The following ERAP2 variants were observed in gnomAD, a reference collection of about 807,000 sequenced individuals.
ERAP2 encodes the protein endoplasmic reticulum aminopeptidase 2, also known as leukocyte-derived arginine aminopeptidase.
Under a neutral mutation model 111.1 loss-of-function variants are expected in ERAP2, and 118 were observed. That is an observed-to-expected ratio of 1.06 (90% CI 0.92 to 1.24). The LOEUF (loss-of-function observed/expected upper bound fraction) is 1.24, where lower values mean the gene tolerates loss of function less well. Among genes scored for constraint, ERAP2 ranks in the 50% most tolerant of loss-of-function variants. The pLI, the probability that ERAP2 is intolerant of heterozygous loss-of-function variation, is 0.00. For synonymous variants in ERAP2, 410 were observed against 401.2 expected, an observed-to-expected ratio of 1.02 and a Z score of -0.26; for missense variants, 1,131 against 1,125.8, an observed-to-expected ratio of 1.00 and a Z score of -0.07.
chr5:96,901,875 A>C (rs1463249483), intron 11 of ERAP2, among the ~76,000 whole-genome samples, 194 bp downstream of exon 11: 1 of 152,228 alleles, frequency 6.6e-6, no homozygotes, highest in East Asian at 1.9e-4. Flanking sequence ...CACCATTCTT[A>C]GTGATTCCAT....
chr5:96,885,819 G>C (rs1282051694), intron 3 of ERAP2, among the ~76,000 whole-genome samples: 1 of 152,190 alleles, frequency 6.6e-6, no homozygotes, highest in Non-Finnish European at 1.5e-5. Context: ...CCATCTCTGA[G>C]ACAAGCTGCC....
Position 96,913,338 on chromosome 5 carries a change from A to C in ERAP2, c.2538A>C (p.Glu846Asp). 6.2e-7 allele frequency: 1 copy of C among 1,614,092 alleles called. No homozygotes were observed. Among genetic ancestry groups the C allele is most frequent in the Non-Finnish European group, 8.5e-7 (1 of 1,179,972 alleles). The change falls in exon 17 of 19, where the codon GAA (glutamate) becomes GAC (aspartate). Residue 846 changes from glutamate (E) to aspartate (D), a missense_variant. By Grantham distance (45) the Glu-to-Asp change is conservative. Coordinates refer to ENST00000437043, the MANE Select transcript of ERAP2 (RefSeq NM_022350.5). ...TCAGGTTAATTGAACTAGGAATGGA[A>C]GGAAAGGTTATCAAGACACAGAACT... is the stretch of plus-strand genomic sequence containing the variant. ...KLLKLIELGM[E>D]GKVIKTQNLA...
At chr5:96,895,388 A>G (rs1352248533) in intron 7 of ERAP2, 29 bp downstream of exon 7, 4 of 1,368,648 alleles carry the variant, frequency 2.9e-6, no homozygotes, top group African/African-American at 1.4e-5. Flanking sequence ...GTATCATACT[A>G]TATGGTGTAA....
Position 96,909,102 on chromosome 5 carries a change from C to G in ERAP2, c.2154C>G (p.Ile718Met). Residue 718 changes from isoleucine (I) to methionine (M), a missense_variant, in exon 14 of 19, where the codon ATC (isoleucine) becomes ATG (methionine). Physicochemically the swap from Ile to Met is conservative, Grantham distance 10. Around this residue, in one of 3 missense-constraint regions of ERAP2, gnomAD observed 847 missense variants for 856.5 expected, o/e 0.99. Coordinates refer to ENST00000437043, the MANE Select transcript of ERAP2 (RefSeq NM_022350.5). ...HMMDRRNISD[I>M]SENLKRYLLQ... ...TGGACAGAAGGAATATTTCAGATAT[C>G]TCTGAAAACCTCAAGGTTTGTGTTG... 6.2e-7 allele frequency: 1 copy of G among 1,613,924 alleles called. No individual in the cohort carries two copies. Among genetic ancestry groups the G allele is most frequent in the Non-Finnish European group, 8.5e-7 (1 of 1,179,862 alleles).
chr5:96,911,851 A>G, intron 15 of ERAP2, among the ~76,000 whole-genome samples: 1 of 114,938 alleles, frequency 8.7e-6, no homozygotes, highest in East Asian at 2.8e-4. Flanking sequence ...TGAACAACAG[A>G]GTAAGACCCT....
At chr5:96,890,319 A>G (rs1262962177) in intron 5 of ERAP2, among the ~76,000 whole-genome samples, 4 of 152,158 alleles carry the variant, frequency 2.6e-5, no homozygotes, top group African/African-American at 9.7e-5. Context: ...CGCAACTTAG[A>G]TCCCTCACAT....
At position 96,903,423 on chromosome 5, in the gene ERAP2, G is replaced by T; in HGVS notation, c.1875G>T (p.Val625=). 6.2e-7 allele frequency: 1 copy of T among 1,613,680 alleles called. No homozygotes were observed. The highest frequency in any genetic ancestry group is 8.5e-7 in the Non-Finnish European group (1 of 1,179,818). ...PEKTSWVKFN[V]DSNGYYIVHY... ...AGACCAGTTGGGTGAAATTTAATGTGGACTCAAATGGTTACTACATCGTTC... is the reference window on the plus strand; with the variant it reads ...AGACCAGTTGGGTGAAATTTAATGTTGACTCAAATGGTTACTACATCGTTC... The change falls in exon 13 of 19, where the codon GTG becomes GTT. Residue 625 remains valine, a synonymous_variant. Transcript: ENST00000437043.
intron 12 of ERAP2, 134 bp downstream of exon 12, chr5:96,902,487 A>G: frequency 1.7e-6 from 1 of 585,042 alleles, no homozygotes; most frequent in Non-Finnish European, 3.0e-6. Flanking sequence ...ATTTATCCAT[A>G]TGTTACTAAA....
At chr5:96,904,131 T>C (rs1785783949) in intron 13 of ERAP2, among the ~76,000 whole-genome samples, 1 of 152,216 alleles carries the variant, frequency 6.6e-6, no homozygotes, top group South Asian at 2.1e-4. Context: ...CTGGAGAAAT[T>C]AGTATGACGT....
chr5:96,891,611 C>A (rs1784407080), intron 5 of ERAP2, among the ~76,000 whole-genome samples: 1 of 150,798 alleles, frequency 6.6e-6, no homozygotes, highest in Non-Finnish European at 1.5e-5. Flanking sequence ...CAAATTAGTG[C>A]ATTATACCTG....
intron 18 of ERAP2, 183 bp downstream of exon 18, chr5:96,915,952 G>C: frequency 2.1e-6 from 1 of 473,196 alleles, no homozygotes; most frequent in Non-Finnish European, 3.7e-6. Flanking sequence ...GCCAGGCACA[G>C]TGGCTCACAC....
chr5:96,912,325 G>A (rs1453386900), intron 15 of ERAP2, among the ~76,000 whole-genome samples: 2 of 150,638 alleles, frequency 1.3e-5, no homozygotes, highest in Admixed American at 1.3e-4. Flanking sequence ...ATATAAACCA[G>A]TAGTTTTGTA....
At position 96,886,671 on chromosome 5, in the gene ERAP2, T is replaced by C. The variant is rs1455044007; in HGVS notation, c.731T>C (p.Leu244Pro). 1.9e-6 allele frequency: 3 copies of C among 1,541,652 alleles called. No individual in the cohort carries two copies. The highest frequency in any genetic ancestry group is 2.3e-5 in the East Asian group (1 of 43,476). ...SNMPKVKTIE[L>P]EGGLLEDHFE... Reference sequence around the variant, plus strand: ...TTTCTGTAGGTTAAGACAATTGAACTTGAAGGAGGTCTTTTGGAAGATCAC... The same window carrying C: ...TTTCTGTAGGTTAAGACAATTGAACCTGAAGGAGGTCTTTTGGAAGATCAC... Residue 244 changes from leucine (L) to proline (P), a missense_variant, in exon 4 of 19, where the codon CTT becomes CCT. Physicochemically the swap from Leu to Pro is moderately conservative, Grantham distance 98. Coordinates refer to ENST00000437043, the MANE Select transcript of ERAP2 (RefSeq NM_022350.5).
At chr5:96,909,156 C>T (rs1485170652) in intron 14 of ERAP2, 39 bp downstream of exon 14, 2 of 1,578,074 alleles carry the variant, frequency 1.3e-6, no homozygotes, top group Non-Finnish European at 1.7e-6. Context: ...AGTAAATACA[C>T]AGTGTCTGGA....
At chr5:96,912,063 G>C (rs377674803) in intron 15 of ERAP2, among the ~76,000 whole-genome samples, 2 of 150,242 alleles carry the variant, frequency 1.3e-5, no homozygotes, top group African/African-American at 2.4e-5. Context: ...GGTGGCGGGC[G>C]CCTGTAGTCC....
intron 9 of ERAP2, among the ~76,000 whole-genome samples, 178 bp from the exon 10 acceptor site, chr5:96,899,943 G>C (rs556311695): frequency 6.6e-6 from 1 of 152,262 alleles, no homozygotes; most frequent in African/African-American, 2.4e-5. Context: ...AACTTTTGTG[G>C]ACTTCTATCC....
chr5:96,915,817 G>A, intron 18 of ERAP2, 48 bp downstream of exon 18: 1 of 1,441,512 alleles, frequency 6.9e-7, no homozygotes, highest in South Asian at 1.3e-5. Flanking sequence ...TGTTCAAATT[G>A]TGGAATTGAA....
intron 2 of ERAP2, among the ~76,000 whole-genome samples, chr5:96,883,144 T>A (rs1249513342): frequency 6.6e-6 from 1 of 152,096 alleles, no homozygotes; most frequent in African/African-American, 2.4e-5. Flanking sequence ...AATATGAAAG[T>A]CCAGCTCCTT....
Position 96,912,779 on chromosome 5 carries a change from C to A in ERAP2, c.2497C>A (p.His833Asn). 6.3e-7 allele frequency: 1 copy of A among 1,598,718 alleles called. No individual in the cohort carries two copies. Among genetic ancestry groups the A allele is most frequent in the Admixed American group, 1.8e-5 (1 of 55,530 alleles). The change falls in exon 16 of 19, where the codon CAT becomes AAT. Residue 833 changes from histidine to asparagine, a missense_variant. By Grantham distance (68) the His-to-Asn change is moderately conservative. Around this residue, in one of 3 missense-constraint regions of ERAP2, gnomAD observed 279 missense variants for 250.9 expected, o/e 1.11. Coordinates refer to ENST00000437043, the MANE Select transcript of ERAP2 (RefSeq NM_022350.5). ...TCTGTATGCTTTGTCAACGAGCAAG[C>A]ATCAGGAAAAGTTACTGAAGTAAGT... ...KILYALSTSK[H>N]QEKLLKLIEL...
Sources: gnomAD v4.1 joint callset for allele counts (sites outside exome capture counted in the v4.1 genomes callset) on GRCh38, gnomAD v4.1.1 for gene constraint, gnomAD v4.1.1 regional missense constraint, MANE v1.5 for transcripts, NCBI Gene and HGNC (gene_info 2026-07-23, HGNC 2026-07-21) for gene names.